Variants in GUCY1A2 observed in about 807,000 individuals in gnomAD.
The protein encoded by GUCY1A2 is guanylate cyclase soluble subunit alpha-2.
A neutral mutation model predicts 63.5 loss-of-function variants in GUCY1A2; 27 were observed. The observed-to-expected ratio is 0.43, with a 90% CI of 0.31 to 0.59. The LOEUF is 0.59. Ranked by LOEUF, GUCY1A2 falls within the 20% of genes least tolerant of loss-of-function variation. The probability of loss-of-function intolerance (pLI) is 0.11; values close to 1 mark genes in which losing one functional copy is unlikely to be tolerated. For missense variants in GUCY1A2, 768 were observed against 913.3 expected (o/e 0.84, Z 2.05); for synonymous variants, 364 against 343.5 (o/e 1.06, Z -0.66).
intron 5 of GUCY1A2, among the ~76,000 whole-genome samples, chr11:106,778,438 G>A (rs1003277167): frequency 2.0e-5 from 3 of 152,078 alleles, no homozygotes; most frequent in Non-Finnish European, 4.4e-5. Context: ...TAAGAAATGG[G>A]ACTATGTTCA....
intron 1 of GUCY1A2, among the ~76,000 whole-genome samples, chr11:106,989,552 T>C (rs1029095175): frequency 6.6e-6 from 1 of 152,118 alleles, no homozygotes; most frequent in Non-Finnish European, 1.5e-5. Context: ...CTGAAAAACA[T>C]GGTTCCTACC....
chr11:106,706,744 T>C (rs1303041852), intron 7 of GUCY1A2, among the ~76,000 whole-genome samples: 2 of 151,362 alleles, frequency 1.3e-5, no homozygotes, highest in East Asian at 1.9e-4. Context: ...ATCAATACCA[T>C]GATGGGAATA....
At chr11:107,016,030 T>G (rs987487274) in intron 1 of GUCY1A2, among the ~76,000 whole-genome samples, 2 of 152,192 alleles carry the variant, frequency 1.3e-5, no homozygotes, top group African/African-American at 4.8e-5. Context: ...ACATCTTCAA[T>G]CAGGTCTCGT....
intron 4 of GUCY1A2, among the ~76,000 whole-genome samples, chr11:106,886,613 A>C (rs760739771): frequency 2.0e-5 from 3 of 152,184 alleles, no homozygotes; most frequent in Non-Finnish European, 2.9e-5. Flanking sequence ...AAATATATAC[A>C]AATATTTATA....
chr11:106,971,799 C>T (rs1487899196), intron 3 of GUCY1A2, among the ~76,000 whole-genome samples: 2 of 152,162 alleles, frequency 1.3e-5, no homozygotes, highest in Non-Finnish European at 2.9e-5. Flanking sequence ...ATGCCCAGGT[C>T]ATGGTTTCCA....
At chr11:106,945,721 T>C (rs1174769659) in intron 3 of GUCY1A2, among the ~76,000 whole-genome samples, 1 of 152,212 alleles carries the variant, frequency 6.6e-6, no homozygotes, top group African/African-American at 2.4e-5. Context: ...TCCCAGCACT[T>C]TGGGAGGCCG....
chr11:106,713,148 G>C (rs1288752989), intron 6 of GUCY1A2, among the ~76,000 whole-genome samples: 1 of 152,036 alleles, frequency 6.6e-6, no homozygotes, highest in East Asian at 1.9e-4. Context: ...ACAATCATAG[G>C]GCTCATTTAA....
At chr11:106,850,321 C>A (rs549562728) in intron 4 of GUCY1A2, among the ~76,000 whole-genome samples, 1 of 151,788 alleles carries the variant, frequency 6.6e-6, no homozygotes, top group East Asian at 1.9e-4. Flanking sequence ...TATCAATCAC[C>A]TCAAACATTT....
At chr11:106,782,172 T>A (rs955472616) in intron 5 of GUCY1A2, among the ~76,000 whole-genome samples, 2 of 152,128 alleles carry the variant, frequency 1.3e-5, no homozygotes. Context: ...CTGTGCCTCT[T>A]TGAATTTTCT....
intron 6 of GUCY1A2, among the ~76,000 whole-genome samples, chr11:106,725,086 T>G (rs1863381430): frequency 6.6e-6 from 1 of 151,858 alleles, no homozygotes; most frequent in Admixed American, 6.6e-5. Context: ...AAGAAATCCT[T>G]TATTTTGGTA....
chr11:107,018,389 G>C lies in GUCY1A2; in HGVS notation c.-334C>G, dbSNP rs1861859998. The stretch of plus-strand genomic sequence containing the variant: ...CGCCGTGCGCCGCGCTCCCGCTCAC[G>C]GGGAGGCTCCGAGAGTGTGTGACCG... On this transcript the variant is annotated 5_prime_UTR_variant, in exon 1 of 8. Coordinates refer to ENST00000526355, the MANE Select transcript of GUCY1A2 (RefSeq NM_000855.3). 6.6e-6 allele frequency: 1 copy of C among 150,514 alleles called. No homozygotes were observed. Among genetic ancestry groups the C allele is most frequent in the African/African-American group, 2.4e-5 (1 of 41,206 alleles). The allele number at this position is 150,514 out of a possible 1,614,324, so 9.3% of individuals were successfully genotyped here.
intron 2 of GUCY1A2, among the ~76,000 whole-genome samples, chr11:106,982,979 C>T: frequency 6.6e-6 from 1 of 152,148 alleles, no homozygotes; most frequent in East Asian, 1.9e-4. Flanking sequence ...GTTTCTTGAG[C>T]CCTATCTGAA....
At chr11:106,943,639 C>T (rs926067306) in intron 3 of GUCY1A2, among the ~76,000 whole-genome samples, 6 of 152,166 alleles carry the variant, frequency 3.9e-5, no homozygotes, top group African/African-American at 1.4e-4. Context: ...TAATGCCTGA[C>T]ACCTGGAGAA....
intron 3 of GUCY1A2, among the ~76,000 whole-genome samples, chr11:106,942,542 C>T (rs1383528009): frequency 1.3e-5 from 2 of 151,870 alleles, no homozygotes; most frequent in Non-Finnish European, 2.9e-5. Context: ...TACAATATTC[C>T]GTGTGTCACT....
intron 3 of GUCY1A2, among the ~76,000 whole-genome samples, chr11:106,969,435 G>A (rs999093720): frequency 6.6e-6 from 1 of 151,940 alleles, no homozygotes; most frequent in Non-Finnish European, 1.5e-5. Flanking sequence ...ATAACACAAT[G>A]GACAAAAACA....
In GUCY1A2 at chr11:106,821,293, T is replaced by C. The variant is rs563644616; in HGVS notation, c.1207-10815A>G. Among the ~76,000 whole-genome samples the C allele has an allele frequency of 1.1e-4, 17 of 152,360 alleles. No individual in the cohort carries two copies. In the East Asian group the frequency reaches 2.7e-3, roughly 24 times the overall value. ...ATTAAATTTTATGCTATGTGGAGAA[T>C]ATTAAATTTATATGCAGTCTTTAAT... On this transcript the variant is annotated intron_variant, in intron 4 of 7. Coordinates refer to ENST00000526355, the MANE Select transcript of GUCY1A2 (RefSeq NM_000855.3).
At chr11:106,840,456 A>T (rs1436133624) in intron 4 of GUCY1A2, among the ~76,000 whole-genome samples, 1 of 151,962 alleles carries the variant, frequency 6.6e-6, no homozygotes, top group East Asian at 1.9e-4. Context: ...AATTCAAAGA[A>T]ATACATATTG....
intron 6 of GUCY1A2, among the ~76,000 whole-genome samples, chr11:106,755,755 T>C (rs1318409808): frequency 6.6e-6 from 1 of 152,122 alleles, no homozygotes; most frequent in African/African-American, 2.4e-5. Flanking sequence ...CTGAGGAGTG[T>C]TTTACTTCCA....
At chr11:106,789,670 G>A (rs1864624154) in intron 5 of GUCY1A2, among the ~76,000 whole-genome samples, 1 of 152,172 alleles carries the variant, frequency 6.6e-6, no homozygotes, top group South Asian at 2.1e-4. Flanking sequence ...TCGGTGTTGT[G>A]ATCTAAGCCC....
Sources: allele counts gnomAD v4.1 joint callset (sites outside exome capture counted in the v4.1 genomes callset), GRCh38; gene constraint gnomAD v4.1.1; transcripts MANE v1.5; gene names NCBI Gene and HGNC (gene_info 2026-07-23, HGNC 2026-07-21).